IMMP2L: variants seen among roughly 807,000 people sequenced by gnomAD.
IMMP2L encodes inner mitochondrial membrane peptidase subunit 2.
A neutral mutation model predicts 19.3 loss-of-function variants in IMMP2L; 18 were observed. The ratio of observed to expected loss-of-function variants is 0.93; its 90% CI spans 0.64 to 1.38. The LOEUF is 1.38. Among genes scored for constraint, IMMP2L ranks in the 40% most tolerant of loss-of-function variants. IMMP2L has a pLI of 0.00. For missense variants in IMMP2L, 233 were observed against 218.2 expected (o/e 1.07, Z -0.43); for synonymous variants, 76 against 73.0 (o/e 1.04, Z -0.21).
chr7:111,002,782 T>C (rs1281747262), intron 3 of IMMP2L, among the ~76,000 whole-genome samples: 1 of 152,176 alleles, frequency 6.6e-6, no homozygotes, highest in Non-Finnish European at 1.5e-5. Context: ...TGATGAACTG[T>C]CTTAAGCATT....
chr7:110,665,640 T>C (rs761893170), intron 5 of IMMP2L, among the ~76,000 whole-genome samples: 1 of 152,234 alleles, frequency 6.6e-6, no homozygotes, highest in Non-Finnish European at 1.5e-5. Flanking sequence ...AAATGTCATA[T>C]ATCTGGAATT....
chr7:111,337,757 T>C (rs1344638073), intron 3 of IMMP2L, among the ~76,000 whole-genome samples: 1 of 152,090 alleles, frequency 6.6e-6, no homozygotes, highest in African/African-American at 2.4e-5. Context: ...GACCTCAAAT[T>C]AGTTAAACCT....
chr7:110,852,573 T>C (rs1198595611), intron 5 of IMMP2L, among the ~76,000 whole-genome samples: 1 of 152,122 alleles, frequency 6.6e-6, no homozygotes, highest in Non-Finnish European at 1.5e-5. Context: ...ATCTTCATTC[T>C]GGAATGCAAG....
intron 3 of IMMP2L, among the ~76,000 whole-genome samples, chr7:111,165,621 A>G (rs1488201535): frequency 6.6e-6 from 1 of 152,072 alleles, no homozygotes; most frequent in Non-Finnish European, 1.5e-5. Flanking sequence ...AGTTTTAAAA[A>G]TCGTGATTTA....
At chr7:110,897,167 C>T (rs529681570) in intron 4 of IMMP2L, among the ~76,000 whole-genome samples, 15 of 152,042 alleles carry the variant, frequency 9.9e-5, no homozygotes, top group African/African-American at 2.2e-4. Flanking sequence ...AAATAACATA[C>T]GAAAATACCT....
chr7:110,690,546 C>T (rs1227613198), intron 5 of IMMP2L, among the ~76,000 whole-genome samples: 6 of 152,022 alleles, frequency 3.9e-5, no homozygotes, highest in Admixed American at 1.3e-4. Flanking sequence ...TGATCATATA[C>T]CTAGAAAATC....
chr7:111,048,602 T>C (rs1792680555), intron 3 of IMMP2L, among the ~76,000 whole-genome samples: 1 of 152,184 alleles, frequency 6.6e-6, no homozygotes, highest in African/African-American at 2.4e-5. Flanking sequence ...AATACCACCA[T>C]AGTCAATAAA....
intron 3 of IMMP2L, among the ~76,000 whole-genome samples, chr7:111,221,535 G>A (rs1812515118): frequency 6.6e-6 from 1 of 151,916 alleles, no homozygotes; most frequent in South Asian, 2.1e-4. Context: ...GAGATAACGT[G>A]AGCCTATACA....
chr7:111,123,498 T>C lies in IMMP2L; in HGVS notation c.240-159933A>G. The C allele has an allele frequency of 1.2e-6, 2 of 1,613,890 alleles. No individual in the cohort carries two copies. Among genetic ancestry groups the C allele is most frequent in the Non-Finnish European group, 1.7e-6 (2 of 1,179,928 alleles). On this transcript the variant is annotated intron_variant, in intron 3 of 5. Transcript: ENST00000405709. The surrounding 1 kb of genome is among the most constrained non-coding windows in gnomAD (Gnocchi z 6.4). ...GACTGGAAAACTTAGAAAGCATCTC[T>C]TTTTACGATAACAGGCTTATTAAAG...
chr7:110,808,427 C>G (rs572006912), intron 5 of IMMP2L, among the ~76,000 whole-genome samples: 3 of 152,008 alleles, frequency 2.0e-5, no homozygotes, highest in South Asian at 2.1e-4. Context: ...TTTGGGCAGC[C>G]CTTTATGAAT....
At chr7:110,829,696 T>A (rs1358544965) in intron 5 of IMMP2L, among the ~76,000 whole-genome samples, 1 of 152,214 alleles carries the variant, frequency 6.6e-6, no homozygotes, top group Non-Finnish European at 1.5e-5. Context: ...ACTTTCCTTT[T>A]ATCCAGACAC....
chr7:111,221,986 G>A (rs1812568213), intron 3 of IMMP2L, among the ~76,000 whole-genome samples: 1 of 151,980 alleles, frequency 6.6e-6, no homozygotes, highest in Non-Finnish European at 1.5e-5. Flanking sequence ...CAGTCAGCAG[G>A]GGGATGATGG....
intron 3 of IMMP2L, among the ~76,000 whole-genome samples, chr7:111,282,930 A>T (rs1820062796): frequency 6.6e-6 from 1 of 152,132 alleles, no homozygotes; most frequent in Admixed American, 6.5e-5. Context: ...TAGACAGAAG[A>T]TCAACAAGGA....
chr7:111,129,274 G>A (rs975383064), intron 3 of IMMP2L, among the ~76,000 whole-genome samples: 12 of 151,942 alleles, frequency 7.9e-5, no homozygotes, highest in African/African-American at 1.7e-4. Context: ...TGATTTTCTA[G>A]GAGATAGGGA....
At chr7:111,211,619 G>A (rs1186962533) in intron 3 of IMMP2L, among the ~76,000 whole-genome samples, 8 of 152,112 alleles carry the variant, frequency 5.3e-5, no homozygotes, top group Non-Finnish European at 1.0e-4. Context: ...GAAAAACTTG[G>A]GGATTATTTG....
chr7:111,081,039 G>A (rs112157301), intron 3 of IMMP2L, among the ~76,000 whole-genome samples: 7 of 152,250 alleles, frequency 4.6e-5, no homozygotes, highest in Admixed American at 2.0e-4. Context: ...AGACTAGTGA[G>A]GATATTATTG....
At chr7:111,539,185 AAGGAAG>A (rs1848214785) in intron 1 of IMMP2L, among the ~76,000 whole-genome samples, 1 of 71,920 alleles carries the variant, frequency 1.4e-5, no homozygotes, top group Non-Finnish European at 2.7e-5. Context: ...GGAAGGAAGG[AAGGAAG>A]GAGGGAGAAA....
intron 1 of IMMP2L, among the ~76,000 whole-genome samples, chr7:111,545,068 GAGC>G (rs2133018467): frequency 6.6e-6 from 1 of 152,122 alleles, no homozygotes; most frequent in South Asian, 2.1e-4. Context: ...CATACTCTCA[GAGC>G]AGCAGGAGAA....
intron 3 of IMMP2L, among the ~76,000 whole-genome samples, chr7:110,980,195 A>AACT (rs1266671204): frequency 2.0e-5 from 3 of 146,988 alleles, no homozygotes; most frequent in Non-Finnish European, 4.5e-5. Flanking sequence ...TAATCCCATT[A>AACT]ACTGGCTTAT....
Sources: gnomAD v4.1 joint callset for allele counts (sites outside exome capture counted in the v4.1 genomes callset) on GRCh38, gnomAD v4.1.1 for gene constraint, Gnocchi (gnomAD v3.1) non-coding constraint, MANE v1.5 for transcripts, NCBI Gene and HGNC (gene_info 2026-07-23, HGNC 2026-07-21) for gene names.